The following SPATA13 variants were observed in gnomAD, a reference collection of about 807,000 sequenced individuals.
SPATA13 encodes spermatogenesis associated 13, also known as spermatogenesis-associated protein 13.
SPATA13 carries 50 observed loss-of-function variants against 104.0 expected under a neutral mutation model. That is an observed-to-expected ratio of 0.48 (90% CI 0.38 to 0.61). SPATA13 has a LOEUF of 0.61. Ranked by LOEUF, SPATA13 falls within the 20% of genes least tolerant of loss-of-function variation. The probability of loss-of-function intolerance (pLI) is 0.00; values close to 1 mark genes in which losing one functional copy is unlikely to be tolerated. For synonymous variants in SPATA13, 606 were observed against 667.5 expected (o/e 0.91, Z 1.42); for missense variants, 1,524 against 1,690.6 (o/e 0.90, Z 1.73).
Position 24,051,893 on chromosome 13 carries a change from C to CA in SPATA13, c.-112+34193dup. ...GCCTGGGGTCCTAGGAGTTCCCCGG[C>CA]ACCTGTTCCTCCTCCTCAGCCCCGG... is the stretch of plus-strand genomic sequence containing the variant. On this transcript the variant is annotated intron_variant, in intron 3 of 14. Coordinates refer to the SPATA13 transcript ENST00000424834. This position sits in a 1 kb window ranked among gnomAD's most constrained non-coding sequence, Gnocchi z 4.2. Among the ~76,000 whole-genome samples the CA allele has an allele frequency of 1.3e-5, 2 of 152,286 alleles. No homozygotes were observed. The highest frequency in any genetic ancestry group is 6.8e-3 in the Middle Eastern group (2 of 294).
At chr13:24,139,462 G>T (rs563239182) in intron 3 of SPATA13, among the ~76,000 whole-genome samples, 1 of 152,072 alleles carries the variant, frequency 6.6e-6, no homozygotes, top group African/African-American at 2.4e-5. Context: ...TCTCCTCTGG[G>T]ATTGTATCAC....
chr13:24,159,741 CTT>C (rs1167710518), upstream of SPATA13, among the ~76,000 whole-genome samples: 1 of 152,132 alleles, frequency 6.6e-6, no homozygotes, highest in African/African-American at 2.4e-5. Flanking sequence ...TTAATTTTCA[CTT>C]TTCATTGGGT....
chr13:24,024,684 TA>T (rs5802261), intron 3 of SPATA13, among the ~76,000 whole-genome samples: 80,814 of 150,624 alleles, frequency 0.54, 21,814 homozygotes, highest in Middle Eastern at 0.57. Context: ...TTTGATGACA[TA>T]AAAATGTTAT....
In SPATA13 at chr13:24,140,135, A is replaced by C. The variant is rs80267911; in HGVS notation, c.-111-82684A>C. Among the ~76,000 whole-genome samples the C allele has an allele frequency of 6.7e-3, 1,017 of 152,262 alleles. 17 individuals are homozygous for C. The highest frequency in any genetic ancestry group is 0.024 in the African/African-American group (984 of 41,546). On this transcript the variant is annotated intron_variant, in intron 3 of 14. Transcript: ENST00000424834. ...CATCTCTAAGGCTCCTGCCAATGCTAATAACCTAGGACTGCAAATGCCATA... is the reference window on the plus strand; with the variant it reads ...CATCTCTAAGGCTCCTGCCAATGCTCATAACCTAGGACTGCAAATGCCATA...
rs1270104319 is a variant in SPATA13 at position 24,153,712 on chromosome 13, G to A, written c.-111-69107G>A. Among the ~76,000 whole-genome samples the A allele has an allele frequency of 1.7e-3, 155 of 90,172 alleles. 1 individual carries two copies. Among genetic ancestry groups the A allele is most frequent in the Non-Finnish European group, 1.7e-4 (7 of 40,408 alleles). 59.2% of individuals were successfully genotyped at this position (90,172 alleles called of 152,430 possible). On this transcript the variant is annotated intron_variant, in intron 3 of 14. Transcript: ENST00000424834. ...TGTATGAAGAGCACATACTTTATGT[G>A]GATCTACACAGGAGAACAGAGTCTA...
At chr13:24,233,886 A>AACACACACACACACAC (rs10571334) in intron 2 of SPATA13, among the ~76,000 whole-genome samples, 3 of 147,558 alleles carry the variant, frequency 2.0e-5, no homozygotes, top group East Asian at 2.0e-4. Flanking sequence ...TATACACTTA[A>AACACACACACACACAC]ACACACACAC....
intron 3 of SPATA13, chr13:24,034,270 TA>T (rs1215781799): frequency 1.3e-5 from 2 of 152,166 alleles, no homozygotes; most frequent in East Asian, 3.9e-4. Flanking sequence ...TATAACCTGA[TA>T]ATCTCCTTCG....
intron 3 of SPATA13, among the ~76,000 whole-genome samples, chr13:24,092,902 C>T (rs1879953670): frequency 6.6e-6 from 1 of 152,188 alleles, no homozygotes; most frequent in East Asian, 1.9e-4. Flanking sequence ...GAAACACTGA[C>T]ATTAAGTTGA....
intron 4 of SPATA13, among the ~76,000 whole-genome samples, chr13:24,263,443 T>C (rs1294183718): frequency 6.6e-6 from 1 of 152,182 alleles, no homozygotes; most frequent in Non-Finnish European, 1.5e-5. Flanking sequence ...GGCTGTTGAT[T>C]ATACAGTCAT....
At chr13:24,287,493 T>C (rs1405856550) in intron 7 of SPATA13, among the ~76,000 whole-genome samples, 1 of 152,212 alleles carries the variant, frequency 6.6e-6, no homozygotes, top group African/African-American at 2.4e-5. Flanking sequence ...CAACTATCTC[T>C]ATCAGGACCT....
intron 1 of SPATA13, among the ~76,000 whole-genome samples, chr13:24,183,140 A>C (rs1271840802): frequency 6.6e-6 from 1 of 151,730 alleles, no homozygotes; most frequent in Non-Finnish European, 1.5e-5. Flanking sequence ...TTTCCAACAC[A>C]CTCTCTCACT....
chr13:24,030,967 A>G (rs1877453397), intron 3 of SPATA13, among the ~76,000 whole-genome samples: 1 of 152,252 alleles, frequency 6.6e-6, no homozygotes, highest in Non-Finnish European at 1.5e-5. Flanking sequence ...AACCAATCTT[A>G]GAATAATAAT....
chr13:24,186,616 A>C (rs1323771074), intron 1 of SPATA13, among the ~76,000 whole-genome samples: 1 of 152,208 alleles, frequency 6.6e-6, no homozygotes, highest in Non-Finnish European at 1.5e-5. Flanking sequence ...AGCTAAAGAG[A>C]AGTTAGTTCC....
At chr13:24,000,378 C>T (rs936165003) in intron 2 of SPATA13, among the ~76,000 whole-genome samples, 3 of 151,870 alleles carry the variant, frequency 2.0e-5, no homozygotes, top group Admixed American at 6.6e-5. Flanking sequence ...ATATGGAAGG[C>T]GTGGGGAGCC....
At chr13:24,097,790 A>C (rs1205191858) in intron 3 of SPATA13, among the ~76,000 whole-genome samples, 3 of 152,204 alleles carry the variant, frequency 2.0e-5, no homozygotes, top group Non-Finnish European at 2.9e-5. Flanking sequence ...GCATGGTACA[A>C]TTTGAGAACA....
chr13:24,157,448 G>T (rs537533473), upstream of SPATA13, among the ~76,000 whole-genome samples: 5 of 152,096 alleles, frequency 3.3e-5, no homozygotes, highest in Non-Finnish European at 5.9e-5. Flanking sequence ...ACAGGCGCCC[G>T]CCACCACGCC....
At chr13:24,113,975 G>A (rs1472670472) in intron 3 of SPATA13, among the ~76,000 whole-genome samples, 2 of 151,936 alleles carry the variant, frequency 1.3e-5, no homozygotes, top group South Asian at 4.2e-4. Context: ...AGTGTTCTCC[G>A]TGGTTATGGG....
intron 3 of SPATA13, among the ~76,000 whole-genome samples, chr13:24,127,112 T>A (rs1881243136): frequency 6.6e-6 from 1 of 152,064 alleles, no homozygotes; most frequent in South Asian, 2.1e-4. Context: ...AGTGTTGAGG[T>A]AGAAATGCCA....
At chr13:24,012,881 G>A (rs1876539283) in intron 2 of SPATA13, among the ~76,000 whole-genome samples, 1 of 152,182 alleles carries the variant, frequency 6.6e-6, no homozygotes, top group Admixed American at 6.5e-5. Flanking sequence ...CTTGGGCTGG[G>A]CTCCCTCCTG....
Sources: gnomAD v4.1 joint callset for allele counts (sites outside exome capture counted in the v4.1 genomes callset) on GRCh38, gnomAD v4.1.1 for gene constraint, Gnocchi (gnomAD v3.1) non-coding constraint, MANE v1.5 for transcripts, NCBI Gene and HGNC (gene_info 2026-07-23, HGNC 2026-07-21) for gene names.